Variants in CELF4 observed in about 807,000 individuals in gnomAD.
The protein encoded by CELF4 is CUG-BP- and ETR-3-like factor 4.
CELF4 carries 18 observed loss-of-function variants against 59.9 expected under a neutral mutation model. The observed-to-expected ratio is 0.30, with a 90% CI of 0.21 to 0.45. The LOEUF (loss-of-function observed/expected upper bound fraction) is 0.45, where lower values mean the gene tolerates loss of function less well. CELF4 is among the 20% of genes least tolerant of loss of function. CELF4 has a pLI of 1.00. For missense variants in CELF4, 456 were observed against 689.0 expected, an observed-to-expected ratio of 0.66 and a Z score of 3.79; for synonymous variants, 261 against 267.1, an observed-to-expected ratio of 0.98 and a Z score of 0.22.
intron 2 of CELF4, among the ~76,000 whole-genome samples, chr18:37,414,857 C>A (rs1248524433): frequency 6.6e-6 from 1 of 152,142 alleles, no homozygotes; most frequent in Admixed American, 6.5e-5. Flanking sequence ...ACTCATCCAT[C>A]TACCCATCCA....
chr18:37,499,928 C>T (rs1353942879), intron 1 of CELF4, among the ~76,000 whole-genome samples: 2 of 152,202 alleles, frequency 1.3e-5, no homozygotes, highest in Non-Finnish European at 2.9e-5. Context: ...CTCTTTTACA[C>T]ACCAGGGAAA....
intron 1 of CELF4, among the ~76,000 whole-genome samples, chr18:37,504,569 T>C (rs773391982): frequency 2.0e-5 from 3 of 152,046 alleles, no homozygotes; most frequent in Non-Finnish European, 4.4e-5. Flanking sequence ...AATAGGAGTC[T>C]AGCAGCACTT....
intron 3 of CELF4, among the ~76,000 whole-genome samples, chr18:37,318,223 C>G (rs2096935828): frequency 6.6e-6 from 1 of 152,002 alleles, no homozygotes; most frequent in African/African-American, 2.4e-5. Flanking sequence ...CTTCTGCTCC[C>G]CTCGCACCAC....
chr18:37,343,612 T>A (rs2098137130), intron 2 of CELF4, among the ~76,000 whole-genome samples: 1 of 151,298 alleles, frequency 6.6e-6, no homozygotes, highest in Non-Finnish European at 1.5e-5. Flanking sequence ...TATGTGGGGG[T>A]GCGTGTGTAT....
intron 2 of CELF4, among the ~76,000 whole-genome samples, chr18:37,322,935 T>TG (rs766161812): frequency 5.3e-5 from 8 of 152,198 alleles, no homozygotes; most frequent in Non-Finnish European, 8.8e-5. Flanking sequence ...GGCCACCACG[T>TG]GGCAGGACAT....
Position 37,553,291 on chromosome 18 carries a change from G to A in CELF4, c.286+12065C>T, listed in dbSNP as rs949071592. Among the ~76,000 whole-genome samples, 11 of 152,124 alleles carry A rather than the reference G, an allele frequency of 7.2e-5. No individual in the cohort carries two copies. In the East Asian group the frequency reaches 1.2e-3, roughly 16 times the overall value. On this transcript the variant is annotated intron_variant, in intron 1 of 12. Coordinates refer to ENST00000420428, the MANE Select transcript of CELF4 (RefSeq NM_020180.4). ...TAAACTGGGCTTAAGTTGCTCTACT[G>A]GGGCCTCAGCTGGACCGGGGTGGTG...
chr18:37,321,158 C>T (rs1405164790), intron 3 of CELF4, among the ~76,000 whole-genome samples: 1 of 152,144 alleles, frequency 6.6e-6, no homozygotes, highest in Non-Finnish European at 1.5e-5. Context: ...CTGCCCCTGG[C>T]TGGCCGTCTG....
chr18:37,321,345 C>A (rs939702201), intron 3 of CELF4, among the ~76,000 whole-genome samples: 5 of 152,182 alleles, frequency 3.3e-5, no homozygotes, highest in Admixed American at 6.5e-5. Context: ...TCCAGGATCT[C>A]TGCCTCAGTG....
intron 1 of CELF4, among the ~76,000 whole-genome samples, chr18:37,492,230 C>G (rs923709425): frequency 6.6e-6 from 1 of 152,116 alleles, no homozygotes; most frequent in Non-Finnish European, 1.5e-5. Flanking sequence ...GGCCCACTAG[C>G]CAGACCTAGG....
intron 2 of CELF4, among the ~76,000 whole-genome samples, chr18:37,470,885 T>TGAGA (rs1569569558): frequency 3.8e-4 from 30 of 79,638 alleles, no homozygotes; most frequent in East Asian, 9.5e-4. Flanking sequence ...TGTGTGTGTG[T>TGAGA]GTGACAGAGA....
In CELF4 at chr18:37,244,703, C is replaced by T. The variant is rs910203739; in HGVS notation, c.*539G>A. ...CCCCTCTATTTGACATAGAGCTACA[C>T]ATCTGCAATAAAAAGTTTGGTCCTT... On this transcript the variant is annotated 3_prime_UTR_variant, in exon 13 of 13. Coordinates refer to ENST00000420428, the MANE Select transcript of CELF4 (RefSeq NM_020180.4). 6.6e-6 allele frequency: 1 copy of T among 152,466 alleles called. No individual in the cohort carries two copies. Among genetic ancestry groups the T allele is most frequent in the African/African-American group, 2.4e-5 (1 of 41,372 alleles). The allele number at this position is 152,466 out of a possible 1,614,324, so 9.4% of individuals were successfully genotyped here.
At chr18:37,387,601 A>G (rs2099113208) in intron 2 of CELF4, among the ~76,000 whole-genome samples, 2 of 152,002 alleles carry the variant, frequency 1.3e-5, no homozygotes, top group African/African-American at 2.4e-5. Flanking sequence ...TCTCGATGTA[A>G]AGTTGAGGAC....
chr18:37,475,294 C>T (rs1367280655), intron 2 of CELF4, among the ~76,000 whole-genome samples: 1 of 152,184 alleles, frequency 6.6e-6, no homozygotes, highest in Admixed American at 6.6e-5. Context: ...GGTGGTTGAA[C>T]TTCTTGTGCC....
At chr18:37,403,861 G>A (rs542081656) in intron 2 of CELF4, among the ~76,000 whole-genome samples, 1 of 152,286 alleles carries the variant, frequency 6.6e-6, no homozygotes, top group South Asian at 2.1e-4. Context: ...GATGGTCTCA[G>A]CTACACAGAC....
intron 3 of CELF4, among the ~76,000 whole-genome samples, chr18:37,303,209 C>T (rs1253478346): frequency 6.6e-6 from 1 of 152,128 alleles, no homozygotes; most frequent in Non-Finnish European, 1.5e-5. Flanking sequence ...CTGGGAGGCC[C>T]AGAGCCCACA....
At chr18:37,549,019 G>T (rs1300868809) in intron 1 of CELF4, among the ~76,000 whole-genome samples, 1 of 152,186 alleles carries the variant, frequency 6.6e-6, no homozygotes, top group Non-Finnish European at 1.5e-5. Flanking sequence ...CGTGGAAACA[G>T]CCCTCCCCTC....
intron 9 of CELF4, 45 bp downstream of exon 9, chr18:37,266,488 T>G (rs752698132): frequency 6.8e-5 from 105 of 1,541,962 alleles, no homozygotes; most frequent in Non-Finnish European, 8.7e-5. Context: ...CGTGGAGAGA[T>G]AAACGGAGTT....
chr18:37,243,682 T>G lies in CELF4; in HGVS notation c.*1560A>C, dbSNP rs2061027565. On this transcript the variant is annotated 3_prime_UTR_variant, in exon 13 of 13. Transcript: ENST00000420428. ...AGCCGGCATCATTTAAACATCCCTG[T>G]TTTTCAAAATTCCTTGTAAACAGTT... 6.6e-6 allele frequency: 1 copy of G among 152,530 alleles called. No individual in the cohort carries two copies. The highest frequency in any genetic ancestry group is 2.4e-5 in the African/African-American group (1 of 41,474). 9.4% of individuals were successfully genotyped at this position (152,530 alleles called of 1,614,324 possible).
At position 37,253,130 on chromosome 18, in the gene CELF4, G is replaced by A. The variant is rs754917664; in HGVS notation, c.*44+637C>T. On this transcript the variant is annotated intron_variant, in intron 12 of 12. Transcript: ENST00000420428. The surrounding 1 kb of genome is among the most constrained non-coding windows in gnomAD (Gnocchi z 4.5). ...CCAGCCCAGCAGAAAAGGTAACAAC[G>A]ACCACTCATCATGACCCGTGTGGGG... is the stretch of plus-strand genomic sequence containing the variant. Among the ~76,000 whole-genome samples, 2 of 152,104 alleles carry A rather than the reference G, an allele frequency of 1.3e-5. No individual in the cohort carries two copies. The highest frequency in any genetic ancestry group is 2.9e-5 in the Non-Finnish European group (2 of 68,022).
Sources: gnomAD v4.1 joint callset for allele counts (sites outside exome capture counted in the v4.1 genomes callset) on GRCh38, gnomAD v4.1.1 for gene constraint, Gnocchi (gnomAD v3.1) non-coding constraint, MANE v1.5 for transcripts, NCBI Gene and HGNC (gene_info 2026-07-23, HGNC 2026-07-21) for gene names.